Variants in DNM2 observed in about 807,000 individuals in gnomAD.
DNM2 encodes the protein dynamin 2, also known as dynamin-2.
DNM2 carries 15 observed loss-of-function variants against 99.0 expected under a neutral mutation model. The observed-to-expected ratio is 0.15, with a 90% CI of 0.10 to 0.23. The LOEUF is 0.23. DNM2 is among the 10% of genes least tolerant of loss of function. The pLI, the probability that DNM2 is intolerant of heterozygous loss-of-function variation, is 1.00. For missense variants in DNM2, 742 were observed against 1,189.4 expected (o/e 0.62, Z 5.53); for synonymous variants, 525 against 481.2 (o/e 1.09, Z -1.19).
intron 1 of DNM2, among the ~76,000 whole-genome samples, chr19:10,722,978 T>G (rs1295234328): frequency 1.3e-5 from 2 of 151,728 alleles, no homozygotes; most frequent in African/African-American, 4.8e-5. Context: ...CTTTCTTTTT[T>G]TTTTTTGAGA....
chr19:10,821,071 T>C (rs936462526), intron 16 of DNM2, among the ~76,000 whole-genome samples: 3 of 152,108 alleles, frequency 2.0e-5, no homozygotes, highest in African/African-American at 7.2e-5. Flanking sequence ...ACTGACGTCC[T>C]CCCTGCTGGC....
At chr19:10,814,080 G>A (rs753465740) in intron 15 of DNM2, among the ~76,000 whole-genome samples, 10 of 151,886 alleles carry the variant, frequency 6.6e-5, no homozygotes, top group African/African-American at 1.7e-4. Flanking sequence ...GAGAATCACC[G>A]GAACCTGGGA....
In DNM2 at chr19:10,831,432, C is replaced by CG. The variant is rs1568326262; in HGVS notation, c.*386dup. On this transcript the variant is annotated 3_prime_UTR_variant, in exon 21 of 21. Coordinates refer to ENST00000389253, the MANE Select transcript of DNM2 (RefSeq NM_001005361.3). The surrounding 1 kb of genome is among the most constrained non-coding windows in gnomAD (Gnocchi z 4.3). The stretch of plus-strand genomic sequence containing the variant: ...CTTCTATAAGTGCGGGCACCAAGGG[C>CG]GCCTACATCCCCAGGCCTTGCTGGG... 9.8e-7 allele frequency: 1 copy of CG among 1,015,536 alleles called. No homozygotes were observed. The highest frequency in any genetic ancestry group is 1.7e-5 in the African/African-American group (1 of 58,200). 62.9% of individuals were successfully genotyped at this position (1,015,536 alleles called of 1,614,324 possible).
intron 11 of DNM2, among the ~76,000 whole-genome samples, chr19:10,800,230 T>C (rs1412194835): frequency 6.6e-6 from 1 of 152,196 alleles, no homozygotes; most frequent in African/African-American, 2.4e-5. Flanking sequence ...AGAGCTTAAT[T>C]AAGCCCTTGC....
intron 5 of DNM2, among the ~76,000 whole-genome samples, chr19:10,782,049 G>A (rs1216940227): frequency 6.6e-6 from 1 of 151,130 alleles, no homozygotes; most frequent in Non-Finnish European, 1.5e-5. Flanking sequence ...TTTTTTTCTT[G>A]TGAGACAAGG....
intron 7 of DNM2, among the ~76,000 whole-genome samples, chr19:10,791,203 C>T (rs2071742180): frequency 6.6e-6 from 1 of 152,106 alleles, no homozygotes; most frequent in South Asian, 2.1e-4. Context: ...ATTCTTCTGC[C>T]TCAGCCACCT....
In DNM2 at chr19:10,772,715, T is replaced by C; in HGVS notation, c.385+87T>C. 22 of 1,582,288 alleles carry C rather than the reference T, an allele frequency of 1.4e-5. No homozygotes were observed. The highest frequency in any genetic ancestry group is 1.8e-5 in the Non-Finnish European group (21 of 1,161,520). ...GGGTGAGCCTGTGTACTTCCACTCA[T>C]GGGTATCATGTGCCCATTCACAAAC... On this transcript the variant is annotated intron_variant, in intron 3 of 20. Transcript: ENST00000389253. This position sits in a 1 kb window ranked among gnomAD's most constrained non-coding sequence, Gnocchi z 4.9.
At position 10,831,253 on chromosome 19, in the gene DNM2, G is replaced by A. The variant is rs2073341205; in HGVS notation, c.*206G>A. ...GCGCAAAGGGGCCCTGGAGCTCCAG[G>A]CAGGGGGCGCTGGGGTGTTGCACTT... On this transcript the variant is annotated 3_prime_UTR_variant, in exon 21 of 21. Coordinates refer to ENST00000389253, the MANE Select transcript of DNM2 (RefSeq NM_001005361.3). The surrounding 1 kb of genome is among the most constrained non-coding windows in gnomAD (Gnocchi z 4.3). 2.3e-6 allele frequency: 3 copies of A among 1,327,126 alleles called. No individual in the cohort carries two copies. In the African/African-American group the frequency reaches 4.6e-5, roughly 20 times the overall value. The allele number at this position is 1,327,126 out of a possible 1,614,324, so 82.2% of individuals were successfully genotyped here.
In DNM2 at chr19:10,747,310, C is replaced by G. The variant is rs193110809; in HGVS notation, c.162-12428C>G. Reference sequence around the variant, plus strand: ...GGAAACTGAGGCACAAAGAGGTTACCTGACCTGCCCATCTTGTCCAGAAAG... The same window carrying G: ...GGAAACTGAGGCACAAAGAGGTTACGTGACCTGCCCATCTTGTCCAGAAAG... On this transcript the variant is annotated intron_variant, in intron 1 of 20. Coordinates refer to ENST00000389253, the MANE Select transcript of DNM2 (RefSeq NM_001005361.3). 4.8e-3 allele frequency among the ~76,000 whole-genome samples: 731 copies of G among 152,228 alleles called. 9 individuals carry two copies. The highest frequency in any genetic ancestry group is 0.017 in the African/African-American group (701 of 41,534).
chr19:10,806,653 C>T (rs946656609), intron 13 of DNM2, among the ~76,000 whole-genome samples: 5 of 152,104 alleles, frequency 3.3e-5, no homozygotes, highest in Middle Eastern at 6.8e-3. Flanking sequence ...ATTAACCAGG[C>T]GTGGTGGCAC....
At chr19:10,728,220 G>A (rs1568264840) in intron 1 of DNM2, among the ~76,000 whole-genome samples, 2 of 152,210 alleles carry the variant, frequency 1.3e-5, no homozygotes, top group African/African-American at 2.4e-5. Context: ...ATCACCGTGT[G>A]CCACATGTGC....
chr19:10,770,787 A>C (rs1305742632), intron 2 of DNM2, among the ~76,000 whole-genome samples: 1 of 152,160 alleles, frequency 6.6e-6, no homozygotes, highest in Non-Finnish European at 1.5e-5. Context: ...TATCACGAGA[A>C]TAGCACGGGA....
chr19:10,831,153 T>C lies in DNM2; in HGVS notation c.*106T>C, dbSNP rs886054144. On this transcript the variant is annotated 3_prime_UTR_variant, in exon 21 of 21. Coordinates refer to ENST00000389253, the MANE Select transcript of DNM2 (RefSeq NM_001005361.3). This position sits in a 1 kb window ranked among gnomAD's most constrained non-coding sequence, Gnocchi z 4.3. ...CCCTATGCTGGGACCAGGCTCCCAGTGGGCAGCCCTGGCCTCTTCCTTAAC... is the reference window on the plus strand; with the variant it reads ...CCCTATGCTGGGACCAGGCTCCCAGCGGGCAGCCCTGGCCTCTTCCTTAAC... 4.9e-5 allele frequency: 72 copies of C among 1,462,248 alleles called. No homozygotes were observed. In the East Asian group the frequency reaches 1.2e-3, roughly 24 times the overall value. 90.6% of individuals were successfully genotyped at this position (1,462,248 alleles called of 1,614,324 possible).
At chr19:10,791,157 C>T (rs4804533) in intron 7 of DNM2, among the ~76,000 whole-genome samples, 142,341 of 152,132 alleles carry the variant, frequency 0.94, 66,855 homozygotes, top group East Asian at 1. Flanking sequence ...GGTGCAATCA[C>T]GGCTCACTGA....
chr19:10,720,627 G>C (rs549214256), intron 1 of DNM2, among the ~76,000 whole-genome samples: 1 of 152,242 alleles, frequency 6.6e-6, no homozygotes, highest in African/African-American at 2.4e-5. Flanking sequence ...AACTCAGGAG[G>C]CTGGCCCTGG....
At chr19:10,720,872 C>T (rs996545283) in intron 1 of DNM2, among the ~76,000 whole-genome samples, 1 of 152,168 alleles carries the variant, frequency 6.6e-6, no homozygotes, top group Non-Finnish European at 1.5e-5. Flanking sequence ...AGTGCTTTCA[C>T]GTTACACACT....
In DNM2 at chr19:10,746,732, T is replaced by G. The variant is rs374769204; in HGVS notation, c.162-13006T>G. Among the ~76,000 whole-genome samples, 18 of 118,066 alleles carry G rather than the reference T, an allele frequency of 1.5e-4. No individual in the cohort carries two copies. In the South Asian group the frequency reaches 2.1e-3, roughly 14 times the overall value. The allele number at this position is 118,066 out of a possible 152,430, so 77.5% of individuals were successfully genotyped here. A position where few individuals can be genotyped will look rare whatever the true frequency, so the allele number is the denominator to read the frequency against. ...ACCGTGCCGGCTTTTTTTTTGTTTT[T>G]TGTTTTTTTTTTTTTTGAGACAGTC... is the stretch of plus-strand genomic sequence containing the variant. On this transcript the variant is annotated intron_variant, in intron 1 of 20. Coordinates refer to ENST00000389253, the MANE Select transcript of DNM2 (RefSeq NM_001005361.3).
At chr19:10,751,267 G>C (rs1415945467) in intron 1 of DNM2, among the ~76,000 whole-genome samples, 1 of 152,010 alleles carries the variant, frequency 6.6e-6, no homozygotes, top group Non-Finnish European at 1.5e-5. Context: ...AGCCCGCCCA[G>C]GATCACACAG....
intron 1 of DNM2, among the ~76,000 whole-genome samples, chr19:10,722,591 C>T (rs2068974709): frequency 6.6e-6 from 1 of 152,012 alleles, no homozygotes. Flanking sequence ...GATCCGTCCA[C>T]CTCGGCCTCC....
Sources: gnomAD v4.1 joint callset for allele counts (sites outside exome capture counted in the v4.1 genomes callset) on GRCh38, gnomAD v4.1.1 for gene constraint, Gnocchi (gnomAD v3.1) non-coding constraint, MANE v1.5 for transcripts, NCBI Gene and HGNC (gene_info 2026-07-23, HGNC 2026-07-21) for gene names.